Variants in KCNB2 observed in about 807,000 individuals in gnomAD.
The protein encoded by KCNB2 is potassium voltage-gated channel subfamily B member 2, also known as delayed rectifier potassium channel protein.
Under a neutral mutation model 61.5 loss-of-function variants are expected in KCNB2, and 15 were observed. That is an observed-to-expected ratio of 0.24 (90% confidence interval 0.16 to 0.38). The LOEUF (loss-of-function observed/expected upper bound fraction) is 0.38, where lower values mean the gene tolerates loss of function less well. KCNB2 is among the 10% of genes least tolerant of loss of function. KCNB2 has a pLI of 1.00. For synonymous variants in KCNB2, 457 were observed against 446.0 expected (o/e 1.02, Z -0.31); for missense variants, 828 against 1,125.2 (o/e 0.74, Z 3.78).
chr8:72,783,401 C>G (rs1330615106), intron 2 of KCNB2, among the ~76,000 whole-genome samples: 1 of 152,150 alleles, frequency 6.6e-6, no homozygotes, highest in Non-Finnish European at 1.5e-5. Flanking sequence ...CTCGCCTCTT[C>G]TCTCTGTTCT....
intron 2 of KCNB2, among the ~76,000 whole-genome samples, chr8:72,707,882 GC>G (rs945079388): frequency 6.6e-6 from 1 of 151,992 alleles, no homozygotes. Flanking sequence ...TGAGGGCAGT[GC>G]AAAAAAAGGG....
At chr8:72,681,739 A>G (rs1158935637) in intron 2 of KCNB2, among the ~76,000 whole-genome samples, 1 of 152,222 alleles carries the variant, frequency 6.6e-6, no homozygotes, top group Non-Finnish European at 1.5e-5. Flanking sequence ...AGGATTGTTT[A>G]CACCAGCATC....
intron 2 of KCNB2, among the ~76,000 whole-genome samples, chr8:72,726,040 G>A (rs1807644452): frequency 6.6e-6 from 1 of 152,152 alleles, no homozygotes; most frequent in African/African-American, 2.4e-5. Context: ...ACTGTGGAGT[G>A]AACTGCGTCC....
chr8:72,568,345 G>T, intron 2 of KCNB2, 32 bp downstream of exon 2: 1 of 1,555,016 alleles, frequency 6.4e-7, no homozygotes, highest in Non-Finnish European at 8.7e-7. Flanking sequence ...TTGCCTGTGT[G>T]TGGTCAGAAA....
intron 2 of KCNB2, among the ~76,000 whole-genome samples, chr8:72,836,544 T>C (rs1809785115): frequency 6.6e-6 from 1 of 152,224 alleles, no homozygotes; most frequent in South Asian, 2.1e-4. Context: ...GGCTACCCCA[T>C]GCCAAAGAGT....
chr8:72,736,373 G>A (rs375920100), intron 2 of KCNB2, among the ~76,000 whole-genome samples: 1 of 152,192 alleles, frequency 6.6e-6, no homozygotes, highest in African/African-American at 2.4e-5. Flanking sequence ...TGGAGAACTG[G>A]AGGACTTGTC....
chr8:72,585,455 C>T (rs1253853990), intron 2 of KCNB2, among the ~76,000 whole-genome samples: 2 of 152,180 alleles, frequency 1.3e-5, no homozygotes, highest in African/African-American at 4.8e-5. Flanking sequence ...CTCTCTCTTT[C>T]TGATGCTTAA....
rs897640735 is a variant in KCNB2 at position 72,637,194 on chromosome 8, G to C, written c.579+68881G>C. On this transcript the variant is annotated intron_variant, in intron 2 of 2. Coordinates refer to ENST00000523207, the MANE Select transcript of KCNB2 (RefSeq NM_004770.3). ...AACAATAACCAAACTATATGAGGAT[G>C]CGATGGTTTACTGCACTGTGTGGCC... 4.6e-5 allele frequency among the ~76,000 whole-genome samples: 7 copies of C among 152,284 alleles called. No homozygotes were observed. The East Asian group carries it at 1.4e-3, about 29-fold the overall frequency.
At chr8:72,561,790 C>CGTATATATAT in intron 1 of KCNB2, among the ~76,000 whole-genome samples, 1 of 40,368 alleles carries the variant, frequency 2.5e-5, no homozygotes, top group African/African-American at 1.2e-4. Flanking sequence ...TATATATATA[C>CGTATATATAT]ATATATATAT....
intron 2 of KCNB2, among the ~76,000 whole-genome samples, chr8:72,717,819 T>A (rs908881322): frequency 3.3e-5 from 5 of 152,184 alleles, no homozygotes; most frequent in Non-Finnish European, 5.9e-5. Flanking sequence ...AAATGGGATC[T>A]AATTAAACTG....
chr8:72,743,010 G>A (rs2128994744), intron 2 of KCNB2, among the ~76,000 whole-genome samples: 1 of 152,290 alleles, frequency 6.6e-6, no homozygotes, highest in Non-Finnish European at 1.5e-5. Context: ...TCAGCCATGA[G>A]CACCTTTCAG....
chr8:72,704,499 TGGTG>T (rs1474862881), intron 2 of KCNB2, among the ~76,000 whole-genome samples: 1 of 117,142 alleles, frequency 8.5e-6, no homozygotes, highest in Non-Finnish European at 1.8e-5. Context: ...CAGAGAAAGC[TGGTG>T]TGTGTGTGTG....
intron 2 of KCNB2, among the ~76,000 whole-genome samples, chr8:72,583,964 A>AAAC (rs1416975680): frequency 4.7e-5 from 7 of 148,602 alleles, no homozygotes; most frequent in Admixed American, 2.0e-4. Context: ...AAAAAAAAAA[A>AAAC]ACAAACAAAA....
chr8:72,788,854 A>T (rs1279749490), intron 2 of KCNB2, among the ~76,000 whole-genome samples: 4 of 152,206 alleles, frequency 2.6e-5, no homozygotes, highest in African/African-American at 9.6e-5. Flanking sequence ...AAGGACTAAC[A>T]TAACACTGCT....
intron 2 of KCNB2, among the ~76,000 whole-genome samples, chr8:72,919,750 G>A (rs1015414418): frequency 6.6e-6 from 1 of 152,122 alleles, no homozygotes; most frequent in African/African-American, 2.4e-5. Flanking sequence ...AAATGTTTAG[G>A]CTATATGTGA....
chr8:72,808,920 T>C (rs140505304), intron 2 of KCNB2, among the ~76,000 whole-genome samples: 1 of 152,328 alleles, frequency 6.6e-6, no homozygotes, highest in South Asian at 2.1e-4. Flanking sequence ...GAGGTCCCTT[T>C]AATTGTTCAC....
At chr8:72,850,980 G>A (rs186651248) in intron 2 of KCNB2, among the ~76,000 whole-genome samples, 12 of 152,302 alleles carry the variant, frequency 7.9e-5, no homozygotes, top group Admixed American at 3.3e-4. Context: ...TGTCTACAAT[G>A]AATAACTCTC....
rs762789729 is a variant in KCNB2, at chr8:72,937,096, T to G, written c.1741T>G (p.Cys581Gly). Residue 581 changes from cysteine (C) to glycine (G), a missense_variant, in exon 3 of 3, where the codon TGT becomes GGT. By Grantham distance (159) the Cys-to-Gly change is radical. Transcript: ENST00000523207. ...AGAGATTGAAATGGAAGAAGTGGTG[T>G]GTCCACAGGAGCAGCTGGCCGTGGC... ...EEEIEMEEVVCPQEQLAVAQT... is the reference protein window; with the variant it reads ...EEEIEMEEVVGPQEQLAVAQT... 1 of 1,614,112 alleles carries G rather than the reference T, an allele frequency of 6.2e-7. No homozygotes were observed.
chr8:72,582,528 T>A (rs1806920231), intron 2 of KCNB2, among the ~76,000 whole-genome samples: 1 of 152,182 alleles, frequency 6.6e-6, no homozygotes, highest in African/African-American at 2.4e-5. Context: ...TGTGGATAAG[T>A]CCAGAGTTTG....
Sources: allele counts gnomAD v4.1 joint callset (sites outside exome capture counted in the v4.1 genomes callset), GRCh38; gene constraint gnomAD v4.1.1; transcripts MANE v1.5; gene names NCBI Gene and HGNC (gene_info 2026-07-23, HGNC 2026-07-21).